The following CCSER1 variants were observed in gnomAD, a reference collection of about 807,000 sequenced individuals.
The protein encoded by CCSER1 is serine-rich coiled-coil domain-containing protein 1.
A neutral mutation model predicts 82.0 loss-of-function variants in CCSER1; 41 were observed. That is an observed-to-expected ratio of 0.50 (90% CI 0.39 to 0.65). The LOEUF is 0.65. CCSER1 is among the 30% of genes least tolerant of loss of function. The probability of loss-of-function intolerance (pLI) is 0.00; values close to 1 mark genes in which losing one functional copy is unlikely to be tolerated. For missense variants in CCSER1, 1,119 were observed against 1,064.2 expected (o/e 1.05, Z -0.72); for synonymous variants, 414 against 383.9 (o/e 1.08, Z -0.92).
chr4:90,474,951 C>T (rs1235572145), intron 5 of CCSER1, among the ~76,000 whole-genome samples: 1 of 151,998 alleles, frequency 6.6e-6, no homozygotes, highest in African/African-American at 2.4e-5. Context: ...GAAATCCTAA[C>T]ATGTTATCTT....
At chr4:90,749,408 G>T (rs1748163865) in intron 7 of CCSER1, among the ~76,000 whole-genome samples, 1 of 151,484 alleles carries the variant, frequency 6.6e-6, no homozygotes. Context: ...TCTCTGTTTT[G>T]GTACCAGTAC....
At chr4:91,480,266 G>A (rs1358230208) in intron 10 of CCSER1, among the ~76,000 whole-genome samples, 1 of 152,178 alleles carries the variant, frequency 6.6e-6, no homozygotes, top group Non-Finnish European at 1.5e-5. Context: ...CCAGTAATGG[G>A]ATGGCTGGGT....
At chr4:91,383,978 G>A (rs1456602824) in intron 10 of CCSER1, among the ~76,000 whole-genome samples, 3 of 152,098 alleles carry the variant, frequency 2.0e-5, no homozygotes, top group East Asian at 1.9e-4. Context: ...TTGTGCTGAA[G>A]GGCTGTGAGC....
At chr4:90,999,235 G>C (rs1737781855) in intron 9 of CCSER1, among the ~76,000 whole-genome samples, 1 of 152,074 alleles carries the variant, frequency 6.6e-6, no homozygotes, top group Admixed American at 6.6e-5. Flanking sequence ...GTTTACTTTT[G>C]GATATACATC....
intron 3 of CCSER1, among the ~76,000 whole-genome samples, chr4:90,328,596 C>A (rs1327012677): frequency 2.0e-5 from 3 of 152,126 alleles, no homozygotes; most frequent in African/African-American, 7.2e-5. Context: ...CAGCTTAAGT[C>A]AAGCAAAAGG....
At chr4:90,236,721 T>C (rs1209218348) in intron 1 of CCSER1, among the ~76,000 whole-genome samples, 1 of 152,154 alleles carries the variant, frequency 6.6e-6, no homozygotes, top group African/African-American at 2.4e-5. Context: ...AATTTTTTTT[T>C]TCAGTAAATT....
At chr4:91,094,036 T>C (rs1291787522) in intron 10 of CCSER1, among the ~76,000 whole-genome samples, 1 of 152,228 alleles carries the variant, frequency 6.6e-6, no homozygotes, top group African/African-American at 2.4e-5. Context: ...GTACCTGCTG[T>C]CTGCAGATCT....
At chr4:91,125,722 A>G (rs930806144) in intron 10 of CCSER1, among the ~76,000 whole-genome samples, 2 of 151,678 alleles carry the variant, frequency 1.3e-5, no homozygotes, top group African/African-American at 4.8e-5. Context: ...TGAAGTAGAA[A>G]AAGGGTATAC....
chr4:90,750,593 A>G (rs560435449), intron 7 of CCSER1, among the ~76,000 whole-genome samples: 17 of 152,276 alleles, frequency 1.1e-4, no homozygotes, highest in African/African-American at 3.4e-4. Flanking sequence ...CTCAAATTTT[A>G]CAGTGAACTT....
chr4:91,537,020 A>G (rs975701021), intron 10 of CCSER1, among the ~76,000 whole-genome samples: 4 of 152,042 alleles, frequency 2.6e-5, no homozygotes, highest in Admixed American at 6.6e-5. Context: ...TGATGTCTCC[A>G]TTTTTAAATA....
rs144523311 is a variant in CCSER1 at position 90,467,250 on chromosome 4, A to G, written c.1604-984A>G. ...AAAATACAAAAATTAGCTTGGCATG[A>G]TAGTGCGCCTGTAGTCCTAGCTACT... On this transcript the variant is annotated intron_variant, in intron 4 of 10. Coordinates refer to ENST00000509176, the MANE Select transcript of CCSER1 (RefSeq NM_001145065.2). 2.1e-4 allele frequency among the ~76,000 whole-genome samples: 32 copies of G among 152,020 alleles called. No homozygotes were observed. In the East Asian group the frequency reaches 3.3e-3, roughly 16 times the overall value.
At chr4:90,603,325 A>AGGAT (rs1165932836) in intron 5 of CCSER1, among the ~76,000 whole-genome samples, 11 of 152,192 alleles carry the variant, frequency 7.2e-5, no homozygotes, top group Admixed American at 6.5e-4. Flanking sequence ...AATTATCAGG[A>AGGAT]GGATGCCTGA....
At chr4:91,443,403 G>A (rs1560676223) in intron 10 of CCSER1, among the ~76,000 whole-genome samples, 1 of 150,014 alleles carries the variant, frequency 6.7e-6, no homozygotes, top group Non-Finnish European at 1.5e-5. Context: ...ACTATCGCAA[G>A]GACAAAAAAC....
intron 10 of CCSER1, among the ~76,000 whole-genome samples, chr4:91,111,688 A>T (rs2148873045): frequency 6.6e-6 from 1 of 151,856 alleles, no homozygotes; most frequent in East Asian, 1.9e-4. Flanking sequence ...CATCCTGAAA[A>T]CTCTACCAAT....
At chr4:90,463,713 T>TG (rs1156297270) in intron 4 of CCSER1, among the ~76,000 whole-genome samples, 1 of 152,108 alleles carries the variant, frequency 6.6e-6, no homozygotes, top group Admixed American at 6.6e-5. Flanking sequence ...TTTGGTGAAT[T>TG]GGAGTGGTGA....
chr4:91,263,038 C>A (rs921416492), intron 10 of CCSER1, among the ~76,000 whole-genome samples: 2 of 151,740 alleles, frequency 1.3e-5, no homozygotes, highest in African/African-American at 2.4e-5. Context: ...TTACCTAGCC[C>A]ACGGGAATTT....
chr4:91,550,303 C>T (rs1762099198), intron 10 of CCSER1, among the ~76,000 whole-genome samples: 1 of 152,160 alleles, frequency 6.6e-6, no homozygotes, highest in Admixed American at 6.5e-5. Flanking sequence ...CACCGTATGT[C>T]ACTCCACACC....
chr4:91,159,324 T>C (rs1581672477), intron 10 of CCSER1, among the ~76,000 whole-genome samples: 1 of 151,952 alleles, frequency 6.6e-6, no homozygotes, highest in African/African-American at 2.4e-5. Flanking sequence ...CCCCAGTAGA[T>C]TGGAAACCAT....
chr4:91,270,953 G>A (rs1741980820), intron 10 of CCSER1, among the ~76,000 whole-genome samples: 1 of 152,146 alleles, frequency 6.6e-6, no homozygotes, highest in Non-Finnish European at 1.5e-5. Context: ...AAAAAGCCCA[G>A]AAGTGCAGGA....
Sources: allele counts gnomAD v4.1 joint callset (sites outside exome capture counted in the v4.1 genomes callset), GRCh38; gene constraint gnomAD v4.1.1; transcripts MANE v1.5; gene names NCBI Gene and HGNC (gene_info 2026-07-23, HGNC 2026-07-21).